Variants in ZYG11B observed in about 807,000 individuals in gnomAD.
ZYG11B encodes the protein zyg-11 family member B, cell cycle regulator, also known as protein zyg-11 homolog B.
In ZYG11B, 36 loss-of-function variants were observed where a neutral mutation model predicts 82.4. That is an observed-to-expected ratio of 0.44 (90% CI 0.33 to 0.58). The LOEUF (loss-of-function observed/expected upper bound fraction) is 0.58. Among genes scored for constraint, ZYG11B ranks in the 20% least tolerant of loss-of-function variants. The probability of loss-of-function intolerance (pLI) is 0.02; values close to 1 mark genes in which losing one functional copy is unlikely to be tolerated. For synonymous variants in ZYG11B, 303 were observed against 312.8 expected (o/e 0.97, Z 0.33); for missense variants, 552 against 895.6 (o/e 0.62, Z 4.90).
chr1:52,809,477 G>A (rs1480186744), intron 10 of ZYG11B, among the ~76,000 whole-genome samples: 3 of 152,082 alleles, frequency 2.0e-5, no homozygotes, highest in South Asian at 2.1e-4. Context: ...GTGAGCCACC[G>A]CGCCCGGCCA....
At chr1:52,814,634 A>G (rs1239259176) in intron 12 of ZYG11B, among the ~76,000 whole-genome samples, 1 of 152,110 alleles carries the variant, frequency 6.6e-6, no homozygotes, top group East Asian at 1.9e-4. Context: ...CAGGAGTTTG[A>G]GGCTGCAGTG....
intron 2 of ZYG11B, among the ~76,000 whole-genome samples, chr1:52,769,975 TAGAC>T (rs1360355256): frequency 1.3e-5 from 2 of 151,094 alleles, no homozygotes; most frequent in African/African-American, 4.9e-5. Flanking sequence ...TGTTGATTGG[TAGAC>T]AGGTAGATCT....
chr1:52,805,091 CAAAA>C (rs57893615), intron 10 of ZYG11B: 41,179 of 111,376 alleles, frequency 0.37, 6,265 homozygotes, highest in Admixed American at 0.49. Context: ...AACTCTGTCT[CAAAA>C]AAAAAAAAAA....
At chr1:52,763,718 C>T (rs1644656908) in intron 2 of ZYG11B, among the ~76,000 whole-genome samples, 1 of 152,106 alleles carries the variant, frequency 6.6e-6, no homozygotes. Context: ...TCTGTGTCTG[C>T]ATGCTAAAAA....
intron 1 of ZYG11B, among the ~76,000 whole-genome samples, chr1:52,744,251 G>C (rs1002742737): frequency 3.3e-5 from 5 of 152,054 alleles, no homozygotes; most frequent in Non-Finnish European, 7.4e-5. Flanking sequence ...TCTATGTTTA[G>C]ATTTTTCAGA....
At chr1:52,768,342 CT>C (rs1251392526) in intron 2 of ZYG11B, among the ~76,000 whole-genome samples, 1 of 152,122 alleles carries the variant, frequency 6.6e-6, no homozygotes. Context: ...AAGGTCCCCC[CT>C]AGCTGATCTG....
At chr1:52,754,922 T>A (rs1350122251) in intron 1 of ZYG11B, among the ~76,000 whole-genome samples, 1 of 151,648 alleles carries the variant, frequency 6.6e-6, no homozygotes, top group Non-Finnish European at 1.5e-5. Context: ...TATGTTGATG[T>A]CCAGTGGTCC....
chr1:52,736,042 T>C (rs1230638789), intron 1 of ZYG11B, among the ~76,000 whole-genome samples: 1 of 152,170 alleles, frequency 6.6e-6, no homozygotes, highest in Non-Finnish European at 1.5e-5. Flanking sequence ...CAGAGTGTAC[T>C]TGATATGCAT....
chr1:52,755,212 C>T (rs1413695658), intron 1 of ZYG11B, among the ~76,000 whole-genome samples: 4 of 152,030 alleles, frequency 2.6e-5, no homozygotes, highest in Non-Finnish European at 4.4e-5. Context: ...CCGCCCACCT[C>T]GGCCTCCCAA....
chr1:52,738,985 C>CT lies in ZYG11B; in HGVS notation c.30+12315dup, dbSNP rs10643364. On this transcript the variant is annotated intron_variant, in intron 1 of 13. Coordinates refer to ENST00000294353, the MANE Select transcript of ZYG11B (RefSeq NM_024646.3). ...ATTTTCATTTCATAGGCCCTGTAACCTTTTTTTTTTTTTGGAGACAGAGTC... is the reference window on the plus strand; with the variant it reads ...ATTTTCATTTCATAGGCCCTGTAACCTTTTTTTTTTTTTTGGAGACAGAGTC... Among the ~76,000 whole-genome samples, 162 of 106,260 alleles carry CT rather than the reference C, an allele frequency of 1.5e-3. 3 individuals are homozygous for CT. Among genetic ancestry groups the CT allele is most frequent in the South Asian group, 0.013 (43 of 3,228 alleles). 69.7% of individuals were successfully genotyped at this position (106,260 alleles called of 152,430 possible).
intron 10 of ZYG11B, among the ~76,000 whole-genome samples, chr1:52,803,121 C>CATAT (rs1183952286): frequency 7.6e-5 from 4 of 52,514 alleles, no homozygotes; most frequent in East Asian, 6.8e-4. Context: ...TATATATACA[C>CATAT]ACATATATAT....
At chr1:52,769,269 A>G (rs1474600589) in intron 2 of ZYG11B, among the ~76,000 whole-genome samples, 1 of 152,210 alleles carries the variant, frequency 6.6e-6, no homozygotes, top group Non-Finnish European at 1.5e-5. Flanking sequence ...TGTCTCTAGA[A>G]CTACATTGTT....
intron 1 of ZYG11B, among the ~76,000 whole-genome samples, chr1:52,737,318 G>A (rs1424065595): frequency 6.6e-6 from 1 of 152,174 alleles, no homozygotes; most frequent in Non-Finnish European, 1.5e-5. Flanking sequence ...CCTGGTTATA[G>A]CAGTTGTTTT....
At chr1:52,793,586 A>G (rs1644976933) in intron 6 of ZYG11B, among the ~76,000 whole-genome samples, 1 of 152,216 alleles carries the variant, frequency 6.6e-6, no homozygotes, top group East Asian at 1.9e-4. Context: ...GCATTGCCTC[A>G]CGATAAAATA....
At chr1:52,803,105 TATATATATATATAC>T (rs1645094895) in intron 10 of ZYG11B, among the ~76,000 whole-genome samples, 2 of 90,066 alleles carry the variant, frequency 2.2e-5, no homozygotes, top group Admixed American at 1.3e-4. Context: ...TATACATATA[TATATATATATATAC>T]ACACATATAT....
At chr1:52,801,587 T>G (rs76803947) in intron 8 of ZYG11B, among the ~76,000 whole-genome samples, 2,161 of 152,276 alleles carry the variant, frequency 0.014, 58 homozygotes, top group African/African-American at 0.05. Flanking sequence ...CCTATGTTAT[T>G]TATGGGTGAT....
At chr1:52,803,139 C>T (rs187886496) in intron 10 of ZYG11B, among the ~76,000 whole-genome samples, 1,488 of 44,000 alleles carry the variant, frequency 0.034, 156 homozygotes, top group African/African-American at 0.17. Context: ...TATATACACA[C>T]ATATATATAT....
At chr1:52,764,344 A>G (rs1571759978) in intron 2 of ZYG11B, among the ~76,000 whole-genome samples, 9 of 150,572 alleles carry the variant, frequency 6.0e-5, no homozygotes, top group Non-Finnish European at 1.5e-5. Flanking sequence ...CATGTTGACC[A>G]GGCTGGTCTC....
intron 13 of ZYG11B, among the ~76,000 whole-genome samples, chr1:52,819,137 A>G (rs1301224878): frequency 6.6e-6 from 1 of 152,168 alleles, no homozygotes; most frequent in Non-Finnish European, 1.5e-5. Flanking sequence ...ATGCAGTAAA[A>G]GCTCTTCTGT....
Sources: gnomAD v4.1 joint callset for allele counts (sites outside exome capture counted in the v4.1 genomes callset) on GRCh38, gnomAD v4.1.1 for gene constraint, MANE v1.5 for transcripts, NCBI Gene and HGNC (gene_info 2026-07-23, HGNC 2026-07-21) for gene names.